Variants in SCP2 observed in about 807,000 individuals in gnomAD.
SCP2 encodes the protein SCP-2/3-oxoacyl-CoA thiolase.
In SCP2, 48 loss-of-function variants were observed where a neutral mutation model predicts 71.4. The ratio of observed to expected loss-of-function variants is 0.67; its 90% CI spans 0.53 to 0.86. SCP2 has a LOEUF of 0.86. SCP2 is among the 40% of genes least tolerant of loss of function. The pLI is 0.00. For missense variants in SCP2, 560 were observed against 655.6 expected, an observed-to-expected ratio of 0.85 and a Z score of 1.59; for synonymous variants, 220 against 218.1, an observed-to-expected ratio of 1.01 and a Z score of -0.08.
chr1:52,931,793 C>G (rs1653173613), intron 1 of SCP2, among the ~76,000 whole-genome samples: 1 of 152,056 alleles, frequency 6.6e-6, no homozygotes, highest in Admixed American at 6.6e-5. Context: ...CAACGTCAAC[C>G]CCCTACTCAA....
At chr1:52,977,781 A>G (rs1158051677) in intron 8 of SCP2, among the ~76,000 whole-genome samples, 3 of 152,136 alleles carry the variant, frequency 2.0e-5, no homozygotes, top group Non-Finnish European at 2.9e-5. Context: ...ACCAACATGG[A>G]GAAACTCCGT....
chr1:52,950,697 T>G (rs145207810), intron 3 of SCP2, 58 bp from the exon 4 acceptor site: 1 of 1,401,506 alleles, frequency 7.1e-7, no homozygotes, highest in East Asian at 2.3e-5. Flanking sequence ...TAATGTAGTA[T>G]TATGTTGCAT....
chr1:53,001,146 A>G (rs988827732), intron 11 of SCP2, among the ~76,000 whole-genome samples: 24 of 152,158 alleles, frequency 1.6e-4, no homozygotes, highest in African/African-American at 5.5e-4. Context: ...CAAGGTAACT[A>G]CTAGTCTCAG....
At chr1:53,045,118 G>A (rs927808923) in intron 14 of SCP2, among the ~76,000 whole-genome samples, 8 of 152,070 alleles carry the variant, frequency 5.3e-5, no homozygotes, top group Non-Finnish European at 1.0e-4. Flanking sequence ...CGTAATTCCA[G>A]AGTGTACCAC....
chr1:52,997,170 AT>A (rs1250124693), intron 11 of SCP2, among the ~76,000 whole-genome samples: 2 of 151,992 alleles, frequency 1.3e-5, no homozygotes, highest in African/African-American at 4.8e-5. Context: ...ATTTATTTTT[AT>A]TTTTTTAGAT....
intron 2 of SCP2, chr1:52,943,815 G>A: frequency 2.2e-6 from 1 of 450,796 alleles, no homozygotes; most frequent in Non-Finnish European, 4.4e-6. Flanking sequence ...CTGTAATGAT[G>A]AGGTTTCTTC....
chr1:52,929,300 C>T (rs1421798221), intron 1 of SCP2, among the ~76,000 whole-genome samples: 3 of 150,526 alleles, frequency 2.0e-5, no homozygotes, highest in African/African-American at 4.9e-5. Context: ...TGGACTCTAG[C>T]GATCCTACCG....
chr1:52,929,106 C>T (rs1356348888), intron 1 of SCP2, among the ~76,000 whole-genome samples: 2 of 151,958 alleles, frequency 1.3e-5, no homozygotes, highest in East Asian at 1.9e-4. Flanking sequence ...GCCTATCTGG[C>T]CAGTGTACTT....
intron 6 of SCP2, among the ~76,000 whole-genome samples, chr1:52,973,606 C>T (rs897697917): frequency 5.3e-5 from 8 of 152,150 alleles, no homozygotes; most frequent in Non-Finnish European, 1.0e-4. Context: ...TGGAGTCTCA[C>T]GCTGTCACCT....
rs200442130 is a variant in SCP2, at chr1:52,960,658, GTATA to G, written c.397-839_397-836del. ...TGTGTATATATGTATGTATATATGT[GTATA>G]TATATGTATGTGTATATATATGTAT... is the stretch of plus-strand genomic sequence containing the variant. On this transcript the variant is annotated intron_variant, in intron 5 of 15. Coordinates refer to ENST00000371514, the MANE Select transcript of SCP2 (RefSeq NM_002979.5). Among the ~76,000 whole-genome samples the G allele has an allele frequency of 3.5e-5, 5 of 144,908 alleles. No homozygotes were observed. In the East Asian group the frequency reaches 8.0e-4, roughly 23 times the overall value.
intron 6 of SCP2, among the ~76,000 whole-genome samples, chr1:52,967,662 C>A (rs1456518972): frequency 1.3e-5 from 2 of 152,000 alleles, no homozygotes; most frequent in Non-Finnish European, 2.9e-5. Context: ...ACAAAAAGAT[C>A]TGTTTTGAAA....
At chr1:52,972,140 G>A (rs775330280) in intron 6 of SCP2, among the ~76,000 whole-genome samples, 2 of 152,188 alleles carry the variant, frequency 1.3e-5, no homozygotes, top group Non-Finnish European at 2.9e-5. Context: ...ATTGCTGTTT[G>A]TGAGTGTTCT....
At chr1:52,960,610 ATATGTATATATG>A (rs1244100129) in intron 5 of SCP2, among the ~76,000 whole-genome samples, 4 of 145,600 alleles carry the variant, frequency 2.7e-5, no homozygotes, top group African/African-American at 7.5e-5. Flanking sequence ...ATGTATGTAT[ATATGTATATATG>A]TATGTATATA....
At position 52,976,536 on chromosome 1, in the gene SCP2, T is replaced by C. The variant is rs190218033; in HGVS notation, c.588-147T>C. The C allele has an allele frequency of 2.4e-4, 151 of 635,234 alleles. No individual in the cohort carries two copies. In the East Asian group the frequency reaches 3.3e-3, roughly 14 times the overall value. The allele number at this position is 635,234 out of a possible 1,614,324, so 39.3% of individuals were successfully genotyped here. ...TTTAGAGTTAGGATTTTTTAAAAGG[T>C]CAATTCAGATGACATTTATGGCTAT... On this transcript the variant is annotated intron_variant, in intron 7 of 15. Coordinates refer to ENST00000371514, the MANE Select transcript of SCP2 (RefSeq NM_002979.5).
chr1:52,944,955 G>A (rs1654638135), intron 2 of SCP2, among the ~76,000 whole-genome samples: 1 of 151,858 alleles, frequency 6.6e-6, no homozygotes, highest in Admixed American at 6.6e-5. Context: ...CCTGCTGTTA[G>A]CATTTAAAGG....
chr1:53,018,304 A>G (rs1018390614), intron 12 of SCP2, among the ~76,000 whole-genome samples: 4 of 152,154 alleles, frequency 2.6e-5, no homozygotes, highest in African/African-American at 9.7e-5. Context: ...TTTCCTCTAC[A>G]TATATTTATA....
intron 1 of SCP2, among the ~76,000 whole-genome samples, chr1:52,931,656 C>G (rs1303524297): frequency 6.6e-6 from 1 of 152,186 alleles, no homozygotes; most frequent in Admixed American, 6.5e-5. Context: ...ACTCCATCAT[C>G]TTGTGGTGAA....
At chr1:53,008,816 A>T (rs1557604912) in intron 11 of SCP2, among the ~76,000 whole-genome samples, 1 of 152,204 alleles carries the variant, frequency 6.6e-6, no homozygotes, top group Non-Finnish European at 1.5e-5. Context: ...AGGGTATTCA[A>T]TTCGGAAAAG....
chr1:53,000,696 C>T (rs922521491), intron 11 of SCP2, among the ~76,000 whole-genome samples: 1 of 152,152 alleles, frequency 6.6e-6, no homozygotes, highest in African/African-American at 2.4e-5. Context: ...GTGGCTTATG[C>T]CTGTAATCCC....
Sources: gnomAD v4.1 joint callset for allele counts (sites outside exome capture counted in the v4.1 genomes callset) on GRCh38, gnomAD v4.1.1 for gene constraint, MANE v1.5 for transcripts, NCBI Gene and HGNC (gene_info 2026-07-23, HGNC 2026-07-21) for gene names.